The following PTCSC3 variants were observed in gnomAD, a reference collection of about 807,000 sequenced individuals.
PTCSC3 encodes the protein papillary thyroid carcinoma susceptibility candidate 3.
At chr14:36,135,616 T>C (rs1388799435), downstream of PTCSC3, among the ~76,000 whole-genome samples, 2 of 152,328 alleles carry the variant, frequency 1.3e-5, no homozygotes, top group East Asian at 3.9e-4. Flanking sequence ...TTCTGTCTGC[T>C]GCTCATGCTG....
At chr14:36,139,044 G>T (rs1254272836) in intron 3 of PTCSC3, among the ~76,000 whole-genome samples, 2 of 151,178 alleles carry the variant, frequency 1.3e-5, no homozygotes, top group Non-Finnish European at 2.9e-5. Flanking sequence ...AACCCAGGAG[G>T]CGGAGCTTGC....
chr14:36,141,985 T>C (rs1196483641), intron 3 of PTCSC3, among the ~76,000 whole-genome samples: 1 of 152,212 alleles, frequency 6.6e-6, no homozygotes, highest in African/African-American at 2.4e-5. Flanking sequence ...ACAGTTTTAT[T>C]TGTTTCTTCC....
In PTCSC3 at chr14:36,143,186, C is replaced by A. The variant is rs1376778692; in HGVS notation, n.323-6830G>T. Among the ~76,000 whole-genome samples the A allele has an allele frequency of 2.0e-5, 3 of 148,708 alleles. No homozygotes were observed. In the East Asian group the frequency reaches 5.9e-4, roughly 29 times the overall value. ...GGGTATATACCCAGTAATGGGATGG[C>A]TGGGTCAAATGGTATTTCCAGTTCT... On this transcript the variant is annotated intron_variant and non_coding_transcript_variant, in intron 3 of 3. Coordinates refer to ENST00000556013, the Ensembl canonical transcript of PTCSC3.
At chr14:36,135,735 G>C (rs1881270480), downstream of PTCSC3, among the ~76,000 whole-genome samples, 1 of 152,094 alleles carries the variant, frequency 6.6e-6, no homozygotes, top group Admixed American at 6.6e-5. Context: ...TCTTTTATTA[G>C]GAAGTCTTTT....
chr14:36,163,694 G>A (rs1235651621), intron 1 of PTCSC3, among the ~76,000 whole-genome samples: 2 of 152,066 alleles, frequency 1.3e-5, no homozygotes, highest in Non-Finnish European at 2.9e-5. Context: ...TGTGATATAA[G>A]GTCATTTTAG....
chr14:36,169,166 G>A (rs762462665), intron 1 of PTCSC3, among the ~76,000 whole-genome samples: 1 of 152,098 alleles, frequency 6.6e-6, no homozygotes, highest in Non-Finnish European at 1.5e-5. Context: ...TTCAATATGG[G>A]AGGCAAAATT....
At chr14:36,142,115 A>G (rs1014536962) in intron 3 of PTCSC3, among the ~76,000 whole-genome samples, 1 of 152,198 alleles carries the variant, frequency 6.6e-6, no homozygotes, top group African/African-American at 2.4e-5. Flanking sequence ...TTAGGCAGAA[A>G]GCAACTAGTT....
upstream of PTCSC3, chr14:36,176,552 C>T (rs187907801): frequency 6.6e-6 from 1 of 152,086 alleles, no homozygotes; most frequent in East Asian, 1.9e-4. Context: ...TGGGCCATCA[C>T]CAATTTATCC....
At chr14:36,138,062 G>T (rs1191241172) in intron 3 of PTCSC3, among the ~76,000 whole-genome samples, 4 of 152,214 alleles carry the variant, frequency 2.6e-5, no homozygotes, top group Non-Finnish European at 5.9e-5. Flanking sequence ...AGGAAGAAAT[G>T]GTAAAGGAGA....
intron 3 of PTCSC3, among the ~76,000 whole-genome samples, chr14:36,153,394 C>A (rs566955721): frequency 1.4e-4 from 22 of 152,268 alleles, no homozygotes; most frequent in African/African-American, 5.3e-4. Flanking sequence ...ATCACAAATT[C>A]AAATCCTAAC....
chr14:36,144,956 T>A (rs2139091601), intron 3 of PTCSC3, among the ~76,000 whole-genome samples: 1 of 52,788 alleles, frequency 1.9e-5, no homozygotes, highest in African/African-American at 6.0e-5. Flanking sequence ...ATATGCTGGA[T>A]TACATTTATT....
intron 1 of PTCSC3, among the ~76,000 whole-genome samples, chr14:36,169,922 GTAC>G (rs2139113045): frequency 6.6e-6 from 1 of 152,228 alleles, no homozygotes; most frequent in East Asian, 1.9e-4. Context: ...AATACTTATG[GTAC>G]TATGTATTAA....
chr14:36,142,394 G>A (rs1420526882), intron 3 of PTCSC3, among the ~76,000 whole-genome samples: 3 of 152,046 alleles, frequency 2.0e-5, no homozygotes, highest in Admixed American at 6.6e-5. Flanking sequence ...GTATTTTGTT[G>A]GAGATTTTAA....
intron 1 of PTCSC3, among the ~76,000 whole-genome samples, chr14:36,171,749 G>T (rs1051454422): frequency 2.6e-5 from 4 of 152,188 alleles, no homozygotes; most frequent in African/African-American, 4.8e-5. Context: ...CAGAAGGTCT[G>T]TTTAAGAAAC....
At chr14:36,158,115 CTTTGCTGAA>C (rs1881869872) in intron 2 of PTCSC3, among the ~76,000 whole-genome samples, 1 of 152,204 alleles carries the variant, frequency 6.6e-6, no homozygotes, top group Non-Finnish European at 1.5e-5. Context: ...TATCCTGAGA[CTTTGCTGAA>C]GTTGCTTATC....
intron 3 of PTCSC3, among the ~76,000 whole-genome samples, chr14:36,147,692 C>T (rs1238774890): frequency 6.6e-6 from 1 of 151,978 alleles, no homozygotes; most frequent in Non-Finnish European, 1.5e-5. Context: ...CAGCTTTGTT[C>T]CTTTGCTGGT....
intron 2 of PTCSC3, among the ~76,000 whole-genome samples, chr14:36,158,297 AG>A (rs1404398700): frequency 6.6e-6 from 1 of 152,154 alleles, no homozygotes; most frequent in Non-Finnish European, 1.5e-5. Flanking sequence ...TATGTTGACT[AG>A]GAGTGGGGAG....
downstream of PTCSC3, among the ~76,000 whole-genome samples, chr14:36,135,796 C>G (rs1881271306): frequency 1.3e-5 from 2 of 151,720 alleles, no homozygotes; most frequent in Non-Finnish European, 2.9e-5. Context: ...CTTACAATAC[C>G]CAATCAATGT....
intron 1 of PTCSC3, among the ~76,000 whole-genome samples, chr14:36,164,559 C>T (rs914687264): frequency 4.0e-5 from 6 of 150,944 alleles, no homozygotes; most frequent in East Asian, 2.0e-4. Context: ...TCCAGGAAAA[C>T]GTCTTAAATG....
Sources: allele counts gnomAD v4.1 joint callset (sites outside exome capture counted in the v4.1 genomes callset), GRCh38; gene constraint gnomAD v4.1.1; transcripts MANE v1.5; gene names NCBI Gene and HGNC (gene_info 2026-07-23, HGNC 2026-07-21).